BEND7: variants seen among roughly 807,000 people sequenced by gnomAD.
BEND7 encodes BEN domain-containing protein 7.
A neutral mutation model predicts 50.9 loss-of-function variants in BEND7; 28 were observed. The observed-to-expected ratio is 0.55, with a 90% CI of 0.41 to 0.75. The LOEUF (loss-of-function observed/expected upper bound fraction) is 0.75. Ranked by LOEUF, BEND7 falls within the 30% of genes least tolerant of loss-of-function variation. BEND7 has a pLI of 0.00. For synonymous variants in BEND7, 170 were observed against 183.9 expected (o/e 0.92, Z 0.61); for missense variants, 477 against 491.3 (o/e 0.97, Z 0.28).
chr10:13,499,648 T>G lies in BEND7; in HGVS notation c.448+130A>C, dbSNP rs533568129. 617 of 1,159,476 alleles carry G rather than the reference T, an allele frequency of 5.3e-4. 2 individuals carry two copies. The highest frequency in any genetic ancestry group is 6.7e-4 in the Non-Finnish European group (572 of 851,780). 71.8% of individuals were successfully genotyped at this position (1,159,476 alleles called of 1,614,324 possible). A position where few individuals can be genotyped will look rare whatever the true frequency, so the allele number is the denominator to read the frequency against. ...TCTTTCCTTTGTGTCTCCCTGTCTT[T>G]TAAAGTAACTCAGCAAAGGCAGGTA... On this transcript the variant is annotated intron_variant, in intron 3 of 8. Transcript: ENST00000466271.
intron 6 of BEND7, among the ~76,000 whole-genome samples, chr10:13,464,976 C>T (rs1442771924): frequency 1.3e-5 from 2 of 152,166 alleles, no homozygotes; most frequent in African/African-American, 4.8e-5. Flanking sequence ...TGAGACGTGA[C>T]CTTCCCCGAT....
chr10:13,504,018 G>T (rs951426831), intron 2 of BEND7, among the ~76,000 whole-genome samples: 2 of 152,226 alleles, frequency 1.3e-5, no homozygotes, highest in Non-Finnish European at 2.9e-5. Flanking sequence ...AGGGAATGAT[G>T]AGTGACAGGC....
At position 13,526,232 on chromosome 10, in the gene BEND7, A is replaced by C; in HGVS notation, c.62-11T>G. On this transcript the variant is annotated splice_polypyrimidine_tract_variant and intron_variant, in intron 1 of 8. Transcript: ENST00000466271. ...CCTCGTGGTGATAATCTGGCATGAGAAAACAACCAAAAATTAGAATCCTAA... is the reference window on the plus strand; with the variant it reads ...CCTCGTGGTGATAATCTGGCATGAGCAAACAACCAAAAATTAGAATCCTAA... 7.9e-6 allele frequency: 10 copies of C among 1,273,190 alleles called. No homozygotes were observed. The highest frequency in any genetic ancestry group is 1.0e-5 in the Non-Finnish European group (10 of 976,582). 78.9% of individuals were successfully genotyped at this position (1,273,190 alleles called of 1,614,324 possible). A position where few individuals can be genotyped will look rare whatever the true frequency, so the allele number is the denominator to read the frequency against.
chr10:13,493,549 C>T (rs548203404), intron 4 of BEND7, among the ~76,000 whole-genome samples: 8 of 152,188 alleles, frequency 5.3e-5, no homozygotes, highest in African/African-American at 7.2e-5. Context: ...CTCTAGACCT[C>T]GGTTTCACAT....
intron 2 of BEND7, among the ~76,000 whole-genome samples, chr10:13,516,257 A>C (rs1464520240): frequency 1.3e-5 from 2 of 152,196 alleles, no homozygotes; most frequent in Non-Finnish European, 2.9e-5. Flanking sequence ...CTAGGCAAAG[A>C]GGCCGGCAGA....
At chr10:13,482,078 T>C (rs2075904263) in intron 5 of BEND7, among the ~76,000 whole-genome samples, 1 of 152,244 alleles carries the variant, frequency 6.6e-6, no homozygotes, top group African/African-American at 2.4e-5. Flanking sequence ...GCTGTTCATT[T>C]AGCAGACATA....
At chr10:13,524,644 CAAAAAAAAAAAA>C (rs58967065) in intron 2 of BEND7, among the ~76,000 whole-genome samples, 1 of 88,554 alleles carries the variant, frequency 1.1e-5, no homozygotes, top group African/African-American at 4.0e-5. Flanking sequence ...ACCTCCGTCT[CAAAAAAAAAAAA>C]AAAAAAAAAA....
At chr10:13,503,880 C>T (rs909929360) in intron 2 of BEND7, among the ~76,000 whole-genome samples, 3 of 152,094 alleles carry the variant, frequency 2.0e-5, no homozygotes, top group Admixed American at 6.5e-5. Flanking sequence ...GATGACGGGA[C>T]GTTCAGGAAT....
At chr10:13,439,197 A>T (rs1564479349), downstream of BEND7, 1 of 1,613,664 alleles carries the variant, frequency 6.2e-7, no homozygotes, top group Admixed American at 1.7e-5. Flanking sequence ...AGAGATGTGA[A>T]GGGTAAGAGA....
intron 6 of BEND7, among the ~76,000 whole-genome samples, chr10:13,461,612 A>G (rs1229921127): frequency 6.6e-6 from 1 of 152,154 alleles, no homozygotes; most frequent in Non-Finnish European, 1.5e-5. Flanking sequence ...GCACACCTGT[A>G]ATCTCAGCTA....
intron 6 of BEND7, among the ~76,000 whole-genome samples, chr10:13,467,403 A>G (rs1370460499): frequency 6.6e-6 from 1 of 152,216 alleles, no homozygotes; most frequent in Non-Finnish European, 1.5e-5. Flanking sequence ...CAATAAAATG[A>G]TTACACTTCA....
At chr10:13,508,552 A>G (rs537506881) in intron 2 of BEND7, among the ~76,000 whole-genome samples, 1 of 152,360 alleles carries the variant, frequency 6.6e-6, no homozygotes, top group Non-Finnish European at 1.5e-5. Flanking sequence ...GAAAAGGAGT[A>G]TCTAGACACA....
intron 2 of BEND7, 51 bp downstream of exon 2, chr10:13,526,087 T>G (rs2079445729): frequency 9.9e-7 from 1 of 1,011,060 alleles, no homozygotes; most frequent in African/African-American, 1.7e-5. Flanking sequence ...TCCCCCTAAT[T>G]GCAAATGGTC....
At chr10:13,515,772 A>G (rs1234707098) in intron 2 of BEND7, among the ~76,000 whole-genome samples, 1 of 152,188 alleles carries the variant, frequency 6.6e-6, no homozygotes, top group Admixed American at 6.5e-5. Context: ...GTTGATGGCA[A>G]TGGAATAGTT....
intron 2 of BEND7, among the ~76,000 whole-genome samples, chr10:13,508,377 GC>G (rs1362439101): frequency 6.6e-6 from 1 of 152,190 alleles, no homozygotes; most frequent in Non-Finnish European, 1.5e-5. Context: ...ATAAAGAAGA[GC>G]AAAGCTCTGC....
At chr10:13,470,239 A>G (rs1376630151) in intron 6 of BEND7, among the ~76,000 whole-genome samples, 1 of 152,228 alleles carries the variant, frequency 6.6e-6, no homozygotes, top group Non-Finnish European at 1.5e-5. Context: ...CATTGTTCAG[A>G]TTAGAAAGGT....
At chr10:13,503,325 T>C (rs569314503) in intron 2 of BEND7, among the ~76,000 whole-genome samples, 13 of 152,172 alleles carry the variant, frequency 8.5e-5, no homozygotes, top group African/African-American at 2.4e-4. Context: ...GAAACAGTGC[T>C]GAAAGGAAGA....
chr10:13,511,978 G>T (rs938644997), intron 2 of BEND7, among the ~76,000 whole-genome samples: 1 of 152,208 alleles, frequency 6.6e-6, no homozygotes, highest in African/African-American at 2.4e-5. Context: ...GTCACAACAA[G>T]ACGTGGGTGC....
At chr10:13,504,094 C>T (rs921441840) in intron 2 of BEND7, among the ~76,000 whole-genome samples, 9 of 152,108 alleles carry the variant, frequency 5.9e-5, no homozygotes, top group Non-Finnish European at 1.0e-4. Context: ...GGATCAGAAA[C>T]GAGGCCTGAA....
Sources: allele counts gnomAD v4.1 joint callset (sites outside exome capture counted in the v4.1 genomes callset), GRCh38; gene constraint gnomAD v4.1.1; transcripts MANE v1.5; gene names NCBI Gene and HGNC (gene_info 2026-07-23, HGNC 2026-07-21).